The following SAMD12 variants were observed in gnomAD, a reference collection of about 807,000 sequenced individuals.
SAMD12 encodes sterile alpha motif domain containing 12.
In SAMD12, 9 loss-of-function variants were observed where a neutral mutation model predicts 15.0. The ratio of observed to expected loss-of-function variants is 0.60; its 90% CI spans 0.36 to 1.05. The LOEUF (loss-of-function observed/expected upper bound fraction) is 1.05. Ranked by LOEUF, SAMD12 falls within the 50% of genes least tolerant of loss-of-function variation. The pLI, the probability that SAMD12 is intolerant of heterozygous loss-of-function variation, is 0.01. For synonymous variants in SAMD12, 86 were observed against 90.1 expected (o/e 0.96, Z 0.25); for missense variants, 230 against 234.2 (o/e 0.98, Z 0.12).
chr8:118,435,212 T>C (rs973087470), intron 3 of SAMD12, among the ~76,000 whole-genome samples: 2 of 152,192 alleles, frequency 1.3e-5, no homozygotes, highest in African/African-American at 2.4e-5. Flanking sequence ...CTGTGGTCAA[T>C]TGTGGTCTGA....
At chr8:118,256,842 C>T (rs770303264) in intron 4 of SAMD12, among the ~76,000 whole-genome samples, 4 of 149,302 alleles carry the variant, frequency 2.7e-5, no homozygotes, top group Non-Finnish European at 4.5e-5. Context: ...TTTTTAGCTA[C>T]GGAATTCTTG....
chr8:118,165,822 A>G, the SAMD12 span, among the ~76,000 whole-genome samples: 9,048 of 151,810 alleles, frequency 0.06, 876 homozygotes, highest in African/African-American at 0.2. Context: ...GTGATAATAA[A>G]TAACATGGTT....
At chr8:118,177,824 G>A in the SAMD12 span, among the ~76,000 whole-genome samples, 2 of 152,210 alleles carry the variant, frequency 1.3e-5, no homozygotes, top group Non-Finnish European at 2.9e-5. Flanking sequence ...ATCATTCTCT[G>A]TGCCATGTGG....
At chr8:118,222,561 A>T (rs1812105937) in intron 4 of SAMD12, among the ~76,000 whole-genome samples, 1 of 152,100 alleles carries the variant, frequency 6.6e-6, no homozygotes, top group Non-Finnish European at 1.5e-5. Flanking sequence ...GGTGGAGTGC[A>T]ATGCCTCAAT....
chr8:118,528,085 G>A (rs113326462), intron 2 of SAMD12, among the ~76,000 whole-genome samples: 8,115 of 152,134 alleles, frequency 0.053, 718 homozygotes, highest in African/African-American at 0.18. Flanking sequence ...GGAATGCAGT[G>A]GCATGATCTC....
rs540288024 is a variant in SAMD12, at chr8:118,556,970, A to AAAAG, written c.192+23741_192+23744dup. On this transcript the variant is annotated intron_variant, in intron 2 of 3. Coordinates refer to ENST00000314727, the MANE Select transcript of SAMD12 (RefSeq NM_207506.3). ...CAGTGCGAGACTCCATCTCAAAAAA[A>AAAAG]AAAGAAAGAAAGAAAGAAAGAAAGA... 1.2e-3 allele frequency among the ~76,000 whole-genome samples: 184 copies of AAAAG among 152,042 alleles called. 1 individual carries two copies. Among genetic ancestry groups the AAAAG allele is most frequent in the East Asian group, 3.7e-3 (19 of 5,170 alleles).
chr8:118,175,433 G>C, the SAMD12 span, among the ~76,000 whole-genome samples: 833 of 152,302 alleles, frequency 5.5e-3, 29 homozygotes, highest in Admixed American at 0.046. Flanking sequence ...ATTGCCCTGG[G>C]CAAAGACTTC....
At chr8:118,260,395 T>C (rs181027232) in intron 4 of SAMD12, among the ~76,000 whole-genome samples, 1 of 152,284 alleles carries the variant, frequency 6.6e-6, no homozygotes, top group Admixed American at 6.5e-5. Flanking sequence ...TATGTTATTA[T>C]GTTATTTTGT....
intron 2 of SAMD12, among the ~76,000 whole-genome samples, chr8:118,524,417 C>T (rs967071465): frequency 6.6e-6 from 1 of 152,170 alleles, no homozygotes; most frequent in Non-Finnish European, 1.5e-5. Flanking sequence ...TTCTCTGACT[C>T]CTTACTGTTT....
intron 3 of SAMD12, among the ~76,000 whole-genome samples, chr8:118,402,869 G>T (rs1453820339): frequency 3.3e-5 from 5 of 152,102 alleles, no homozygotes; most frequent in African/African-American, 1.2e-4. Context: ...TCATCTTATT[G>T]ATCTTTTATT....
At position 118,272,729 on chromosome 8, in the gene SAMD12, A is replaced by G. The variant is rs113583341; in HGVS notation, c.434-74997T>C. Among the ~76,000 whole-genome samples the G allele has an allele frequency of 1.3e-3, 203 of 152,330 alleles. 1 individual carries two copies. The highest frequency in any genetic ancestry group is 3.9e-3 in the African/African-American group (161 of 41,588). ...TGTAAAATACTGCCAGTCCCTTTAC[A>G]TAGCAAGAGTCATCTTTACTCCTGT... On this transcript the variant is annotated intron_variant, in intron 4 of 4. Coordinates refer to the SAMD12 transcript ENST00000409003.
At chr8:118,554,847 G>A (rs1826477007) in intron 2 of SAMD12, among the ~76,000 whole-genome samples, 1 of 152,192 alleles carries the variant, frequency 6.6e-6, no homozygotes, top group South Asian at 2.1e-4. Flanking sequence ...AATCCTGCCT[G>A]AGTTTCCAGA....
chr8:118,469,638 C>T (rs527895947), intron 2 of SAMD12, among the ~76,000 whole-genome samples: 1 of 139,080 alleles, frequency 7.2e-6, no homozygotes, highest in South Asian at 2.3e-4. Context: ...TCTCAGCTCA[C>T]TACAACCTCT....
chr8:118,369,647 G>A (rs944517230), intron 4 of SAMD12, among the ~76,000 whole-genome samples: 4 of 151,960 alleles, frequency 2.6e-5, no homozygotes, highest in Non-Finnish European at 4.4e-5. Context: ...CCTAGGAGGC[G>A]GAGGTTGCAG....
At chr8:118,243,144 T>C (rs993967099) in intron 4 of SAMD12, among the ~76,000 whole-genome samples, 2 of 152,150 alleles carry the variant, frequency 1.3e-5, no homozygotes, top group African/African-American at 4.8e-5. Context: ...GATGTACACA[T>C]AGTAACATGG....
At chr8:118,185,114 C>A (rs529979197), downstream of SAMD12, among the ~76,000 whole-genome samples, 1 of 151,994 alleles carries the variant, frequency 6.6e-6, no homozygotes, top group African/African-American at 2.4e-5. Context: ...TTCTATAACA[C>A]CTGGGAGACA....
At chr8:118,266,976 A>G (rs897653802) in intron 4 of SAMD12, among the ~76,000 whole-genome samples, 4 of 152,268 alleles carry the variant, frequency 2.6e-5, no homozygotes, top group Admixed American at 2.0e-4. Context: ...CTAAGAAAGT[A>G]TATTTTAAGC....
chr8:118,318,348 A>G (rs1563759034), intron 4 of SAMD12, among the ~76,000 whole-genome samples: 2 of 111,764 alleles, frequency 1.8e-5, no homozygotes, highest in East Asian at 2.3e-4. Flanking sequence ...ATATATATAT[A>G]TATATATACA....
the SAMD12 span, among the ~76,000 whole-genome samples, chr8:118,182,272 A>G: frequency 6.6e-6 from 1 of 152,172 alleles, no homozygotes; most frequent in Admixed American, 6.5e-5. Flanking sequence ...CTGAGCTTAT[A>G]TTCTTAGGTA....
Sources: allele counts gnomAD v4.1 joint callset (sites outside exome capture counted in the v4.1 genomes callset), GRCh38; gene constraint gnomAD v4.1.1; transcripts MANE v1.5; gene names NCBI Gene and HGNC (gene_info 2026-07-23, HGNC 2026-07-21).